Variants in ZNF462 observed in about 807,000 individuals in gnomAD.
ZNF462 encodes zinc finger protein 462, also known as zinc finger PBX1-interacting protein.
In ZNF462, 10 loss-of-function variants were observed where a neutral mutation model predicts 201.9. The observed-to-expected ratio is 0.05, with a 90% confidence interval of 0.03 to 0.08. The LOEUF is 0.08. Ranked by LOEUF, ZNF462 falls within the 10% of genes least tolerant of loss-of-function variation. The probability of loss-of-function intolerance (pLI) is 1.00; values close to 1 mark genes in which losing one functional copy is unlikely to be tolerated. For missense variants in ZNF462, 2,523 were observed against 3,168.3 expected, an observed-to-expected ratio of 0.80 and a Z score of 4.89; for synonymous variants, 1,227 against 1,193.3, an observed-to-expected ratio of 1.03 and a Z score of -0.58.
In ZNF462 at chr9:106,938,801, A is replaced by G. The variant is rs930165217; in HGVS notation, c.6236-115A>G. 8.5e-5 allele frequency: 96 copies of G among 1,124,232 alleles called. No individual in the cohort carries two copies. The highest frequency in any genetic ancestry group is 1.1e-4 in the Non-Finnish European group (91 of 797,304). 69.6% of individuals were successfully genotyped at this position (1,124,232 alleles called of 1,614,324 possible). On this transcript the variant is annotated intron_variant, in intron 6 of 12. Transcript: ENST00000277225. This position sits in a 1 kb window ranked among gnomAD's most constrained non-coding sequence, Gnocchi z 4.4. ...TGTGAGGTTCGTTCATAGAACATGA[A>G]GCTTGAGATGCGCTTCTCTAGCATG...
Position 106,926,833 on chromosome 9 carries a change from C to T in ZNF462, c.2921C>T (p.Ser974Phe). 6.2e-7 allele frequency: 1 copy of T among 1,614,180 alleles called. No individual in the cohort carries two copies. The highest frequency in any genetic ancestry group is 8.5e-7 in the Non-Finnish European group (1 of 1,180,038). The change falls in exon 3 of 13, where the codon TCC becomes TTC. Residue 974 changes from serine to phenylalanine, a missense_variant. By Grantham distance (155) the Ser-to-Phe change is radical. Transcript: ENST00000277225. The surrounding 1 kb of genome is among the most constrained non-coding windows in gnomAD (Gnocchi z 7.9). ...VEQQEGLNTE[S>F]QTLREILNSA... ...CAGCAGGAAGGGCTGAATACAGAATCCCAGACCCTGAGGGAGATTCTGAAT... is the reference window on the plus strand; with the variant it reads ...CAGCAGGAAGGGCTGAATACAGAATTCCAGACCCTGAGGGAGATTCTGAAT...
chr9:106,881,293 C>T (rs1828084961), intron 1 of ZNF462, among the ~76,000 whole-genome samples: 1 of 152,164 alleles, frequency 6.6e-6, no homozygotes, highest in Non-Finnish European at 1.5e-5. Context: ...GCAGAGGACA[C>T]ATCGAAGGGG....
chr9:106,998,895 C>CA (rs1235189017), intron 10 of ZNF462, among the ~76,000 whole-genome samples: 1 of 152,134 alleles, frequency 6.6e-6, no homozygotes, highest in African/African-American at 2.4e-5. Flanking sequence ...AGGCGTGAGT[C>CA]ACCGCACCCA....
rs186537809 is a variant in ZNF462 at position 106,913,429 on chromosome 9, C to T, written c.-30-9925C>T. On this transcript the variant is annotated intron_variant, in intron 1 of 12. Coordinates refer to ENST00000277225, the MANE Select transcript of ZNF462 (RefSeq NM_021224.6). The surrounding 1 kb of genome is among the most constrained non-coding windows in gnomAD (Gnocchi z 4.1). Reference sequence around the variant, plus strand: ...AATCTCATCAGAGCCAGACTTATGCCGGGCCCTGGGGATATAAGAATAAAA... The same window carrying T: ...AATCTCATCAGAGCCAGACTTATGCTGGGCCCTGGGGATATAAGAATAAAA... Among the ~76,000 whole-genome samples, 4 of 152,200 alleles carry T rather than the reference C, an allele frequency of 2.6e-5. No individual in the cohort carries two copies. Among genetic ancestry groups the T allele is most frequent in the East Asian group, 3.9e-4 (2 of 5,174 alleles).
At chr9:106,953,868 G>A (rs1831463108) in intron 7 of ZNF462, among the ~76,000 whole-genome samples, 1 of 152,090 alleles carries the variant, frequency 6.6e-6, no homozygotes, top group African/African-American at 2.4e-5. Context: ...TTGGGACCTA[G>A]CTAATATCCT....
intron 1 of ZNF462, among the ~76,000 whole-genome samples, chr9:106,904,008 T>C (rs1386153024): frequency 3.3e-5 from 5 of 152,206 alleles, no homozygotes; most frequent in Non-Finnish European, 7.4e-5. Context: ...TTTTTTAACT[T>C]GTATTTTTGT....
intron 10 of ZNF462, among the ~76,000 whole-genome samples, chr9:106,985,006 G>A (rs1183618797): frequency 6.6e-6 from 1 of 152,168 alleles, no homozygotes; most frequent in Non-Finnish European, 1.5e-5. Context: ...AACTACTTGG[G>A]AGGCTGAGGA....
chr9:106,930,932 G>C lies in ZNF462; in HGVS notation c.6012+243G>C, dbSNP rs1830398907. 2.3e-6 allele frequency: 1 copy of C among 438,508 alleles called. No individual in the cohort carries two copies. Among genetic ancestry groups the C allele is most frequent in the African/African-American group, 2.0e-5 (1 of 50,662 alleles). 27.2% of individuals were successfully genotyped at this position (438,508 alleles called of 1,614,324 possible). ...GCGGATAGTTTGGTGGCAGCAGAAGGTCCAGGATTCTCGGTCTAGGAGGCT... is the reference window on the plus strand; with the variant it reads ...GCGGATAGTTTGGTGGCAGCAGAAGCTCCAGGATTCTCGGTCTAGGAGGCT... On this transcript the variant is annotated intron_variant, in intron 4 of 12. Coordinates refer to ENST00000277225, the MANE Select transcript of ZNF462 (RefSeq NM_021224.6). This position sits in a 1 kb window ranked among gnomAD's most constrained non-coding sequence, Gnocchi z 5.8.
rs968906152 is a variant in ZNF462, at chr9:106,927,230, A to G, written c.3318A>G (p.Pro1106=). The change falls in exon 3 of 13, where the codon CCA becomes CCG. Residue 1106 remains proline (P), a synonymous_variant. Transcript: ENST00000277225. ...CCCCACCCCCCCCACAACCCCCGCC[A>G]CCAGACCTCAGTACTGAGCTTTACT... ...MGSPPPPQPP[P]PDLSTELYYC... 2.3e-6 allele frequency: 1 copy of G among 439,332 alleles called. No individual in the cohort carries two copies. Among genetic ancestry groups the G allele is most frequent in the East Asian group, 6.5e-5 (1 of 15,492 alleles). The allele number at this position is 439,332 out of a possible 1,614,324, so 27.2% of individuals were successfully genotyped here. A position where few individuals can be genotyped will look rare whatever the true frequency, so the allele number is the denominator to read the frequency against.
intron 10 of ZNF462, among the ~76,000 whole-genome samples, chr9:106,989,120 C>G (rs966535136): frequency 6.6e-6 from 1 of 152,042 alleles, no homozygotes. Flanking sequence ...TGTTCCAGTT[C>G]TCAGAGGGAC....
intron 10 of ZNF462, among the ~76,000 whole-genome samples, chr9:106,991,773 T>A (rs988890374): frequency 6.6e-6 from 1 of 151,404 alleles, no homozygotes; most frequent in Non-Finnish European, 1.5e-5. Context: ...ATTTTTTTTT[T>A]AAATGGTGCT....
At chr9:106,888,853 A>G (rs189768520) in intron 1 of ZNF462, among the ~76,000 whole-genome samples, 63 of 152,338 alleles carry the variant, frequency 4.1e-4, no homozygotes, top group African/African-American at 1.4e-3. Flanking sequence ...AGAATCATCA[A>G]TTACAAACCT....
rs1030999237 is a variant in ZNF462, at chr9:107,008,960, G to A, written c.7190-585G>A. 2.0e-5 allele frequency among the ~76,000 whole-genome samples: 3 copies of A among 152,120 alleles called. No homozygotes were observed. The highest frequency in any genetic ancestry group is 4.8e-5 in the African/African-American group (2 of 41,418). Reference sequence around the variant, plus strand: ...GATAAATGTTCATGGTAGATTCTTCGCTTGCAGATCTCATTCAGTGCACAT... The same window carrying A: ...GATAAATGTTCATGGTAGATTCTTCACTTGCAGATCTCATTCAGTGCACAT... On this transcript the variant is annotated intron_variant, in intron 11 of 12. Coordinates refer to ENST00000277225, the MANE Select transcript of ZNF462 (RefSeq NM_021224.6). The surrounding 1 kb of genome is among the most constrained non-coding windows in gnomAD (Gnocchi z 4.8).
intron 1 of ZNF462, among the ~76,000 whole-genome samples, chr9:106,881,970 G>A (rs546354319): frequency 6.6e-6 from 1 of 152,226 alleles, no homozygotes; most frequent in Admixed American, 6.5e-5. Context: ...AAATTTTCCA[G>A]GAATAGCACA....
Position 107,003,281 on chromosome 9 carries a change from G to C in ZNF462, c.7057-13G>C, listed in dbSNP as rs369628250. 31 of 1,613,074 alleles carry C rather than the reference G, an allele frequency of 1.9e-5. No homozygotes were observed. In the African/African-American group the frequency reaches 3.2e-4, roughly 17 times the overall value. On this transcript the variant is annotated splice_polypyrimidine_tract_variant and intron_variant, in intron 10 of 12. Transcript: ENST00000277225. This position sits in a 1 kb window ranked among gnomAD's most constrained non-coding sequence, Gnocchi z 4.4. ...CGGTTTATTATTCCATCATTTGTTT[G>C]GGCCTTTTTCAGGTAAGCCGTAACT...
At chr9:106,882,758 T>C (rs1052605725) in intron 1 of ZNF462, among the ~76,000 whole-genome samples, 9 of 152,274 alleles carry the variant, frequency 5.9e-5, no homozygotes, top group Middle Eastern at 6.8e-3. Context: ...AGGAAACTCA[T>C]TTGCGGTTTT....
intron 9 of ZNF462, chr9:106,975,582 C>T (rs1036251877): frequency 6.6e-6 from 1 of 152,248 alleles, no homozygotes; most frequent in South Asian, 2.1e-4. Flanking sequence ...AACATTTAGG[C>T]AGGAATTCTT....
chr9:106,985,209 C>G (rs1309817589), intron 10 of ZNF462, among the ~76,000 whole-genome samples: 1 of 152,192 alleles, frequency 6.6e-6, no homozygotes, highest in African/African-American at 2.4e-5. Flanking sequence ...TTGCCAACCC[C>G]TGTTCTGATA....
intron 1 of ZNF462, among the ~76,000 whole-genome samples, chr9:106,875,531 G>A (rs1317654846): frequency 6.6e-6 from 1 of 152,122 alleles, no homozygotes; most frequent in African/African-American, 2.4e-5. Context: ...AAGATTTGAG[G>A]GAACTGTTAA....
Sources: allele counts gnomAD v4.1 joint callset (sites outside exome capture counted in the v4.1 genomes callset), GRCh38; gene constraint gnomAD v4.1.1; non-coding constraint Gnocchi (gnomAD v3.1); transcripts MANE v1.5; gene names NCBI Gene and HGNC (gene_info 2026-07-23, HGNC 2026-07-21).